The following RILPL2 variants were observed in gnomAD, a reference collection of about 807,000 sequenced individuals.
RILPL2 encodes the protein RILP-like protein 2.
In RILPL2, 19 loss-of-function variants were observed where a neutral mutation model predicts 22.2. That is an observed-to-expected ratio of 0.86 (90% CI 0.60 to 1.25). RILPL2 has a LOEUF of 1.25. Ranked by LOEUF, RILPL2 falls within the 50% of genes most tolerant of loss-of-function variation. The pLI is 0.00. For synonymous variants in RILPL2, 123 were observed against 111.6 expected (o/e 1.10, Z -0.64); for missense variants, 243 against 263.6 (o/e 0.92, Z 0.54).
chr12:123,430,402 C>G (rs1046295897), intron 2 of RILPL2, 106 bp downstream of exon 2: 14 of 1,199,074 alleles, frequency 1.2e-5, no homozygotes, highest in Non-Finnish European at 3.4e-6. Flanking sequence ...GAGCGAGACT[C>G]TGTCTCAAAA....
At chr12:123,428,744 C>T (rs1209011820) in intron 2 of RILPL2, among the ~76,000 whole-genome samples, 2 of 152,184 alleles carry the variant, frequency 1.3e-5, no homozygotes, top group Non-Finnish European at 2.9e-5. Flanking sequence ...AGGTGCCCAC[C>T]ACTCTGGTCC....
chr12:123,412,057 C>T (rs1878989500), downstream of RILPL2: 1 of 152,144 alleles, frequency 6.6e-6, no homozygotes, highest in Admixed American at 6.6e-5. Context: ...TTTTAGTCTC[C>T]TGGGGTACCA....
downstream of RILPL2, chr12:123,411,876 C>T (rs1452435214): frequency 1.3e-5 from 2 of 152,112 alleles, no homozygotes; most frequent in Non-Finnish European, 2.9e-5. Context: ...AGTTGGAATC[C>T]TGCAGTGTGA....
chr12:123,425,194 G>A lies in RILPL2; in HGVS notation c.492-2037C>T, dbSNP rs187057545. Among the ~76,000 whole-genome samples the A allele has an allele frequency of 2.7e-5, 4 of 149,546 alleles. No individual in the cohort carries two copies. The East Asian group carries it at 7.9e-4, about 29-fold the overall frequency. ...CCGGCCTTATTATTATTTTTTTTTTGAGATGGAGTTTCACTATTGTTGCCC... is the reference window on the plus strand; with the variant it reads ...CCGGCCTTATTATTATTTTTTTTTTAAGATGGAGTTTCACTATTGTTGCCC... On this transcript the variant is annotated intron_variant, in intron 2 of 3. Coordinates refer to ENST00000280571, the MANE Select transcript of RILPL2 (RefSeq NM_145058.3).
At position 123,436,309 on chromosome 12, in the gene RILPL2, C is replaced by A. The variant is rs1209384759; in HGVS notation, c.112G>T (p.Ala38Ser). ...TAGGAGATGTCATACACGTCCTCGG[C>A]GGTCAGCTGGAAGGGGCTCTTGCCC... ...ALGKSPFQLT[A>S]EDVYDISYLL... Residue 38 changes from alanine (A) to serine (S), a missense_variant, in exon 1 of 4, where the codon GCC becomes TCC. By Grantham distance (99) the Ala-to-Ser change is moderately conservative. Coordinates refer to ENST00000280571, the MANE Select transcript of RILPL2 (RefSeq NM_145058.3). The surrounding 1 kb of genome is among the most constrained non-coding windows in gnomAD (Gnocchi z 6.7). 4.4e-6 allele frequency: 7 copies of A among 1,589,794 alleles called. No homozygotes were observed. The highest frequency in any genetic ancestry group is 6.0e-6 in the Non-Finnish European group (7 of 1,168,518).
chr12:123,426,748 C>T (rs1879453144), intron 2 of RILPL2, among the ~76,000 whole-genome samples: 1 of 151,764 alleles, frequency 6.6e-6, no homozygotes, highest in Non-Finnish European at 1.5e-5. Flanking sequence ...ACTACAGGTG[C>T]CCGCCACCTC....
chr12:123,424,578 G>A (rs1024791749), intron 2 of RILPL2, among the ~76,000 whole-genome samples: 9 of 152,228 alleles, frequency 5.9e-5, no homozygotes, highest in East Asian at 1.9e-4. Context: ...TGATCCACCC[G>A]CCTTGGCCTC....
intron 3 of RILPL2, among the ~76,000 whole-genome samples, chr12:123,417,159 C>G (rs1022562037): frequency 6.6e-6 from 1 of 151,756 alleles, no homozygotes; most frequent in Admixed American, 6.6e-5. Context: ...ATTAGCTGGG[C>G]ATGATGGTGA....
intron 2 of RILPL2, among the ~76,000 whole-genome samples, chr12:123,424,424 C>T (rs576709619): frequency 9.9e-5 from 15 of 151,548 alleles, no homozygotes; most frequent in East Asian, 7.8e-4. Flanking sequence ...CTCTGCCTCC[C>T]GGGTTCAAAT....
At chr12:123,434,529 T>A (rs1234357516) in intron 1 of RILPL2, among the ~76,000 whole-genome samples, 3 of 151,742 alleles carry the variant, frequency 2.0e-5, no homozygotes. Context: ...TTTCAAGCAA[T>A]TCTCCGGCCT....
chr12:123,428,721 C>T lies in RILPL2; in HGVS notation c.491+1787G>A, dbSNP rs1476114277. On this transcript the variant is annotated intron_variant, in intron 2 of 3. Transcript: ENST00000280571. ...TGAGGTCACATCACCACTGTTGCCA[C>T]CACTGCTTAAGCAGGTGCCCACCAC... Among the ~76,000 whole-genome samples, 5 of 152,288 alleles carry T rather than the reference C, an allele frequency of 3.3e-5. No individual in the cohort carries two copies. In the South Asian group the frequency reaches 1.0e-3, roughly 32 times the overall value.
chr12:123,430,536 C>T lies in RILPL2; in HGVS notation c.463G>A (p.Val155Met), dbSNP rs573820193. ...TTGTAGCACTGCAGCTCTTCCTGCA[C>T]CACCAGGAGCTGCGACTTGAGTTTG... ...RNKLKSQLLV[V>M]QEELQCYKSG... The change falls in exon 2 of 4, where the codon GTG becomes ATG. Residue 155 changes from valine (V) to methionine (M), a missense_variant. By Grantham distance (21) the Val-to-Met change is conservative. Transcript: ENST00000280571. 1,267 of 1,608,434 alleles carry T rather than the reference C, an allele frequency of 7.9e-4. 24 individuals are homozygous for T. In the South Asian group the frequency reaches 0.013, roughly 17 times the overall value.
rs561551868 is a variant in RILPL2, at chr12:123,430,328, G to C, written c.491+180C>G. Among the ~76,000 whole-genome samples the C allele has an allele frequency of 2.6e-5, 4 of 152,070 alleles. No individual in the cohort carries two copies. In the South Asian group the frequency reaches 6.2e-4, roughly 24 times the overall value. On this transcript the variant is annotated intron_variant, in intron 2 of 3. Transcript: ENST00000280571. ...GGAGGCTGAGGCAGGAGAATGGCGTGAACCCGGGAGGCAGAGGTTGCAGTG... is the reference window on the plus strand; with the variant it reads ...GGAGGCTGAGGCAGGAGAATGGCGTCAACCCGGGAGGCAGAGGTTGCAGTG...
chr12:123,419,751 G>A (rs1420142391), intron 3 of RILPL2, among the ~76,000 whole-genome samples: 1 of 150,684 alleles, frequency 6.6e-6, no homozygotes, highest in Non-Finnish European at 1.5e-5. Flanking sequence ...AATTACAGAG[G>A]CCATGGCTAA....
intron 1 of RILPL2, among the ~76,000 whole-genome samples, chr12:123,433,379 G>A (rs1421365971): frequency 1.3e-5 from 2 of 152,102 alleles, no homozygotes; most frequent in African/African-American, 4.8e-5. Context: ...GATTACAGGC[G>A]TGAGCCACTG....
At chr12:123,435,632 G>A (rs923359289) in intron 1 of RILPL2, among the ~76,000 whole-genome samples, 1 of 152,026 alleles carries the variant, frequency 6.6e-6, no homozygotes, top group African/African-American at 2.4e-5. Context: ...CCAGCTACTT[G>A]GAAGGGCAAG....
At position 123,430,517 on chromosome 12, in the gene RILPL2, C is replaced by T. The variant is rs1253779202; in HGVS notation, c.482G>A (p.Cys161Tyr). ...QLLVVQEELQCYKSGLIPPRE... is the reference protein window; with the variant it reads ...QLLVVQEELQYYKSGLIPPRE... ...AGGCAGTGGAGCCCACCTCTTGTAG[C>T]ACTGCAGCTCTTCCTGCACCACCAG... Residue 161 changes from cysteine (C) to tyrosine (Y), a missense_variant, in exon 2 of 4, where the codon TGC becomes TAC. By Grantham distance (194) the Cys-to-Tyr change is radical. Transcript: ENST00000280571. 1.9e-6 allele frequency: 3 copies of T among 1,605,718 alleles called. No individual in the cohort carries two copies. Among genetic ancestry groups the T allele is most frequent in the African/African-American group, 1.3e-5 (1 of 74,472 alleles).
At chr12:123,419,992 A>C (rs1183830048) in intron 3 of RILPL2, among the ~76,000 whole-genome samples, 1 of 131,694 alleles carries the variant, frequency 7.6e-6, no homozygotes, top group African/African-American at 2.9e-5. Flanking sequence ...CACCCAGCTA[A>C]TTTTTGTATT....
At position 123,430,498 on chromosome 12, in the gene RILPL2, T is replaced by C; in HGVS notation, c.491+10A>G. ...TCTGGGTGCAGGACCCTCCAGGCAG[T>C]GGAGCCCACCTCTTGTAGCACTGCA... On this transcript the variant is annotated intron_variant, in intron 2 of 3. Coordinates refer to ENST00000280571, the MANE Select transcript of RILPL2 (RefSeq NM_145058.3). 1 of 1,600,126 alleles carries C rather than the reference T, an allele frequency of 6.2e-7. No individual in the cohort carries two copies. Among genetic ancestry groups the C allele is most frequent in the African/African-American group, 1.3e-5 (1 of 74,188 alleles).
Sources: gnomAD v4.1 joint callset for allele counts (sites outside exome capture counted in the v4.1 genomes callset) on GRCh38, gnomAD v4.1.1 for gene constraint, Gnocchi (gnomAD v3.1) non-coding constraint, MANE v1.5 for transcripts, NCBI Gene and HGNC (gene_info 2026-07-23, HGNC 2026-07-21) for gene names.